PXDC1: variants seen among roughly 807,000 people sequenced by gnomAD.
PXDC1 encodes PX domain-containing protein 1.
PXDC1 carries 13 observed loss-of-function variants against 24.4 expected under a neutral mutation model. The ratio of observed to expected loss-of-function variants is 0.53; its 90% CI spans 0.35 to 0.85. The LOEUF (loss-of-function observed/expected upper bound fraction) is 0.85, where lower values mean the gene tolerates loss of function less well. PXDC1 is among the 40% of genes least tolerant of loss of function. PXDC1 has a pLI of 0.01. For synonymous variants in PXDC1, 162 were observed against 124.9 expected (o/e 1.30, Z -1.98); for missense variants, 344 against 309.3 (o/e 1.11, Z -0.84).
intron 1 of PXDC1, among the ~76,000 whole-genome samples, chr6:3,749,603 C>A (rs1760653680): frequency 6.6e-6 from 1 of 151,610 alleles, no homozygotes; most frequent in Non-Finnish European, 1.5e-5. Context: ...GCAACTGAAA[C>A]CACGCCCTCT....
At chr6:3,735,662 G>A (rs1760300610) in intron 3 of PXDC1, among the ~76,000 whole-genome samples, 2 of 152,204 alleles carry the variant, frequency 1.3e-5, no homozygotes, top group South Asian at 4.1e-4. Flanking sequence ...GTGACAGTGG[G>A]AGGAATAAGC....
chr6:3,731,072 T>C (rs1561732534), intron 3 of PXDC1, among the ~76,000 whole-genome samples: 1 of 152,262 alleles, frequency 6.6e-6, no homozygotes. Context: ...TGATCTATCA[T>C]GATCATTCAG....
Position 3,737,799 on chromosome 6 carries a change from C to T in PXDC1, c.348+258G>A. Reference sequence around the variant, plus strand: ...ATCCGCACCCTTCCACCCATGCCTCCTTGCATCCCTCATTTTCACTCTTTC... The same window carrying T: ...ATCCGCACCCTTCCACCCATGCCTCTTTGCATCCCTCATTTTCACTCTTTC... On this transcript the variant is annotated intron_variant, in intron 2 of 4. Transcript: ENST00000380283. The surrounding 1 kb of genome is among the most constrained non-coding windows in gnomAD (Gnocchi z 5.5). The T allele has an allele frequency of 2.0e-6, 1 of 504,080 alleles. No individual in the cohort carries two copies. The highest frequency in any genetic ancestry group is 2.6e-6 in the Non-Finnish European group (1 of 390,466). The allele number at this position is 504,080 out of a possible 1,614,324, so 31.2% of individuals were successfully genotyped here.
intron 3 of PXDC1, among the ~76,000 whole-genome samples, chr6:3,733,060 C>T (rs528659972): frequency 6.6e-6 from 1 of 152,324 alleles, no homozygotes; most frequent in East Asian, 1.9e-4. Flanking sequence ...AAAAGGCTAG[C>T]GTGGGCTAGG....
chr6:3,741,973 T>A (rs1760458817), intron 1 of PXDC1, among the ~76,000 whole-genome samples: 1 of 152,200 alleles, frequency 6.6e-6, no homozygotes, highest in Admixed American at 6.5e-5. Flanking sequence ...ATAAAAGAAA[T>A]CTTCATCTTG....
Position 3,727,568 on chromosome 6 carries a change from C to T in PXDC1, c.561G>A (p.Val187=), listed in dbSNP as rs190327786. The T allele has an allele frequency of 1.2e-6, 2 of 1,609,172 alleles. No individual in the cohort carries two copies. Among genetic ancestry groups the T allele is most frequent in the Admixed American group, 1.7e-5 (1 of 60,018 alleles). The change falls in exon 4 of 5, where the codon GTG becomes GTA. Residue 187 remains valine, a synonymous_variant. Transcript: ENST00000380283. The part of the protein sequence containing the change: ...IPNGRDQQLG[V]DPTEHLFENG... Reference sequence around the variant, plus strand: ...ATACTTACAAATGCTCTGTTGGGTCCACGCCCAGCTGCTGGTCTCTTCCAT... The same window carrying T: ...ATACTTACAAATGCTCTGTTGGGTCTACGCCCAGCTGCTGGTCTCTTCCAT...
rs1429551152 is a variant in PXDC1 at position 3,724,134 on chromosome 6, C to T, written c.579-398G>A. On this transcript the variant is annotated intron_variant, in intron 4 of 4. Transcript: ENST00000380283. The surrounding 1 kb of genome is among the most constrained non-coding windows in gnomAD (Gnocchi z 4.5). ...GGGACAGCTGAGAGAGGAGTGGTCA[C>T]GAGCTCACAGCCTGACCGCAGCAGA... Among the ~76,000 whole-genome samples the T allele has an allele frequency of 2.6e-5, 4 of 152,106 alleles. No homozygotes were observed. The highest frequency in any genetic ancestry group is 9.7e-5 in the African/African-American group (4 of 41,420).
chr6:3,745,865 A>T (rs1052390640), intron 1 of PXDC1, among the ~76,000 whole-genome samples: 3 of 152,238 alleles, frequency 2.0e-5, no homozygotes, highest in Non-Finnish European at 2.9e-5. Flanking sequence ...GTTAAACATC[A>T]GCAAGGTTTC....
intron 1 of PXDC1, chr6:3,739,281 G>T (rs192440402): frequency 8.3e-5 from 27 of 323,676 alleles, no homozygotes; most frequent in Admixed American, 4.2e-4. Context: ...AGGCACTTCT[G>T]CAAGAGTGGG....
rs201115871 is a variant in PXDC1, at chr6:3,730,515, T to TA, written c.467-2854dup. Among the ~76,000 whole-genome samples the TA allele has an allele frequency of 2.0e-3, 291 of 144,076 alleles. 1 individual carries two copies. The East Asian group carries it at 0.023, about 11-fold the overall frequency. The allele number at this position is 144,076 out of a possible 152,430, so 94.5% of individuals were successfully genotyped here. On this transcript the variant is annotated intron_variant, in intron 3 of 4. Transcript: ENST00000380283. ...TAGAAATTAGAACACGTCCACAGTTTAAAAAAAAAAAAAGAAGAAAAAACA... is the reference window on the plus strand; with the variant it reads ...TAGAAATTAGAACACGTCCACAGTTTAAAAAAAAAAAAAAGAAGAAAAAACA...
chr6:3,731,225 G>T (rs893761316), intron 3 of PXDC1, among the ~76,000 whole-genome samples: 1 of 152,186 alleles, frequency 6.6e-6, no homozygotes, highest in Non-Finnish European at 1.5e-5. Flanking sequence ...GGCTGAAATT[G>T]ATGAGTCCAA....
At chr6:3,743,846 G>C (rs1417720185) in intron 1 of PXDC1, among the ~76,000 whole-genome samples, 1 of 152,212 alleles carries the variant, frequency 6.6e-6, no homozygotes, top group Non-Finnish European at 1.5e-5. Context: ...GGCGCCCAGC[G>C]GCTGGTCCAC....
chr6:3,744,805 C>G (rs1233269498), intron 1 of PXDC1, among the ~76,000 whole-genome samples: 1 of 152,238 alleles, frequency 6.6e-6, no homozygotes, highest in Non-Finnish European at 1.5e-5. Context: ...TCAAGTGATT[C>G]TCCTGCCTTA....
At chr6:3,749,870 T>C (rs1321448696) in intron 1 of PXDC1, among the ~76,000 whole-genome samples, 1 of 152,232 alleles carries the variant, frequency 6.6e-6, no homozygotes, top group Non-Finnish European at 1.5e-5. Context: ...TAAGCCTCGT[T>C]CCAGGAAAGG....
chr6:3,735,053 C>G (rs113628338), intron 3 of PXDC1, among the ~76,000 whole-genome samples: 220 of 152,250 alleles, frequency 1.4e-3, no homozygotes, highest in African/African-American at 5.1e-3. Context: ...GAGGGAGACC[C>G]TGTCTCAAAA....
chr6:3,730,107 T>G (rs1301170873), intron 3 of PXDC1, among the ~76,000 whole-genome samples: 1 of 152,216 alleles, frequency 6.6e-6, no homozygotes, highest in East Asian at 1.9e-4. Context: ...GTATGTCTGG[T>G]GCCTCCTGCA....
rs900149947 is a variant in PXDC1, at chr6:3,738,018, C to A, written c.348+39G>T. ...TCGCATTTGGGAGGTGCCAGCACCT[C>A]CCACCTCCCTGCCCAGCCCGGGGCC... On this transcript the variant is annotated intron_variant, in intron 2 of 4. Coordinates refer to ENST00000380283, the MANE Select transcript of PXDC1 (RefSeq NM_183373.4). 15 of 1,549,908 alleles carry A rather than the reference C, an allele frequency of 9.7e-6. No homozygotes were observed. In the Admixed American group the frequency reaches 2.4e-4, roughly 25 times the overall value.
chr6:3,727,052 C>T (rs988954087), intron 4 of PXDC1, among the ~76,000 whole-genome samples: 4 of 152,216 alleles, frequency 2.6e-5, no homozygotes, highest in Admixed American at 6.5e-5. Context: ...AAGATGCTGC[C>T]GACCCCAGTG....
chr6:3,739,163 T>C (rs1760399409), intron 1 of PXDC1: 20 of 1,105,592 alleles, frequency 1.8e-5, no homozygotes, highest in Non-Finnish European at 2.2e-5. Context: ...TGAATAGGTC[T>C]ATAAGAGAGA....
Sources: gnomAD v4.1 joint callset for allele counts (sites outside exome capture counted in the v4.1 genomes callset) on GRCh38, gnomAD v4.1.1 for gene constraint, Gnocchi (gnomAD v3.1) non-coding constraint, MANE v1.5 for transcripts, NCBI Gene and HGNC (gene_info 2026-07-23, HGNC 2026-07-21) for gene names.